The following NEUROD1 variants were observed in gnomAD, a reference collection of about 807,000 sequenced individuals.
NEUROD1 encodes neurogenic differentiation factor 1.
A neutral mutation model predicts 21.8 loss-of-function variants in NEUROD1; 9 were observed. The ratio of observed to expected loss-of-function variants is 0.41; its 90% CI spans 0.25 to 0.72. NEUROD1 has a LOEUF of 0.72. Ranked by LOEUF, NEUROD1 falls within the 30% of genes least tolerant of loss-of-function variation. The pLI, the probability that NEUROD1 is intolerant of heterozygous loss-of-function variation, is 0.31. For missense variants in NEUROD1, 434 were observed against 468.8 expected, an observed-to-expected ratio of 0.93 and a Z score of 0.69; for synonymous variants, 199 against 186.2, an observed-to-expected ratio of 1.07 and a Z score of -0.56.
chr2:181,674,164 C>T (rs991021871), downstream of NEUROD1, among the ~76,000 whole-genome samples: 1 of 152,154 alleles, frequency 6.6e-6, no homozygotes, highest in Admixed American at 6.5e-5. Flanking sequence ...CCTGATTTTA[C>T]ATACCAGCTT....
At chr2:181,680,120 T>C (rs563419302) in intron 1 of NEUROD1, among the ~76,000 whole-genome samples, 216 of 152,338 alleles carry the variant, frequency 1.4e-3, no homozygotes, top group South Asian at 7.3e-3. Context: ...TCATTATTGC[T>C]TTTGGGACTT....
chr2:181,678,107 C>A lies in NEUROD1; in HGVS notation c.754G>T (p.Ala252Ser). ...GGGCTTTCAAAGAAGGGCTCCAGCG[C>A]TGCGCTGTAGGCGTGCGGCGGAGGC... ...VKPPPHAYSA[A>S]LEPFFESPLT... Residue 252 changes from alanine to serine, a missense_variant, in exon 2 of 2, where the codon GCG (alanine) becomes TCG (serine). Transcript: ENST00000295108. The surrounding 1 kb of genome is among the most constrained non-coding windows in gnomAD (Gnocchi z 5.5). 6.2e-7 allele frequency: 1 copy of A among 1,614,180 alleles called. No homozygotes were observed. The highest frequency in any genetic ancestry group is 8.5e-7 in the Non-Finnish European group (1 of 1,180,040).
intron 1 of NEUROD1, among the ~76,000 whole-genome samples, chr2:181,679,166 G>A (rs1688654088): frequency 6.6e-6 from 1 of 151,916 alleles, no homozygotes. Context: ...TAACTTAAAT[G>A]TGTTTATGGT....
At chr2:181,680,340 C>A (rs891560739) in intron 1 of NEUROD1, 90 bp downstream of exon 1, 1 of 152,184 alleles carries the variant, frequency 6.6e-6, no homozygotes, top group Non-Finnish European at 1.5e-5. Context: ...TACACACTCT[C>A]GCAAACGCAC....
rs1379638344 is a variant in NEUROD1 at position 181,678,861 on chromosome 2, G to A, written c.-1C>T. On this transcript the variant is annotated 5_prime_UTR_variant, in exon 2 of 2. Coordinates refer to ENST00000295108, the MANE Select transcript of NEUROD1 (RefSeq NM_002500.5). This position sits in a 1 kb window ranked among gnomAD's most constrained non-coding sequence, Gnocchi z 5.5. ...CACTCTCGCTGTACGATTTGGTCATGTTTCGATTTCCTACATTCAACAAGG... is the reference window on the plus strand; with the variant it reads ...CACTCTCGCTGTACGATTTGGTCATATTTCGATTTCCTACATTCAACAAGG... The A allele has an allele frequency of 1.2e-6, 2 of 1,613,638 alleles. No individual in the cohort carries two copies. Among genetic ancestry groups the A allele is most frequent in the Non-Finnish European group, 8.5e-7 (1 of 1,180,038 alleles).
chr2:181,678,237 C>A lies in NEUROD1; in HGVS notation c.624G>T (p.Pro208=). Residue 208 remains proline, a synonymous_variant, in exon 2 of 2, where the codon CCG becomes CCT. Coordinates refer to ENST00000295108, the MANE Select transcript of NEUROD1 (RefSeq NM_002500.5). This position sits in a 1 kb window ranked among gnomAD's most constrained non-coding sequence, Gnocchi z 5.5. ...GTACAGGGAAGGAAGCGCTGGCCGT[C>A]GGCAGGTGGGGGGGCATGTCCTGGT... ...EQNQDMPPHL[P]TASASFPVHP... is the part of the protein sequence containing the mutation. 1.2e-6 allele frequency: 2 copies of A among 1,614,118 alleles called. No homozygotes were observed. The highest frequency in any genetic ancestry group is 2.2e-5 in the East Asian group (1 of 44,880).
Position 181,678,257 on chromosome 2 carries a change from C to G in NEUROD1, c.604G>C (p.Asp202His), listed in dbSNP as rs1349732855. Reference sequence around the variant, plus strand: ...GCCGTCGGCAGGTGGGGGGGCATGTCCTGGTTCTGCTCAGGCAGAAAAGTC... The same window carrying G: ...GCCGTCGGCAGGTGGGGGGGCATGTGCTGGTTCTGCTCAGGCAGAAAAGTC... The part of the protein sequence containing the change: ...PRTFLPEQNQ[D>H]MPPHLPTASA... Residue 202 changes from aspartate (D) to histidine (H), a missense_variant, in exon 2 of 2, where the codon GAC becomes CAC. By Grantham distance (81) the Asp-to-His change is moderately conservative (BLOSUM62 -1). Transcript: ENST00000295108. This position sits in a 1 kb window ranked among gnomAD's most constrained non-coding sequence, Gnocchi z 5.5. 1 of 1,613,978 alleles carries G rather than the reference C, an allele frequency of 6.2e-7. No individual in the cohort carries two copies. The highest frequency in any genetic ancestry group is 8.5e-7 in the Non-Finnish European group (1 of 1,180,020).
At chr2:181,672,601 G>A (rs527942135), downstream of NEUROD1, among the ~76,000 whole-genome samples, 2 of 152,284 alleles carry the variant, frequency 1.3e-5, no homozygotes, top group East Asian at 3.9e-4. Context: ...GAAAGAGGGA[G>A]GGGCAATACA....
chr2:181,680,030 G>A (rs1475836810), intron 1 of NEUROD1, among the ~76,000 whole-genome samples: 1 of 152,146 alleles, frequency 6.6e-6, no homozygotes, highest in East Asian at 1.9e-4. Flanking sequence ...CACTCCCAAT[G>A]TGCGTAAAAT....
At position 181,677,521 on chromosome 2, in the gene NEUROD1, C is replaced by T; in HGVS notation, c.*269G>A. 2.2e-6 allele frequency: 1 copy of T among 448,386 alleles called. No homozygotes were observed. Among genetic ancestry groups the T allele is most frequent in the South Asian group, 2.3e-5 (1 of 43,092 alleles). The allele number at this position is 448,386 out of a possible 1,614,324, so 27.8% of individuals were successfully genotyped here. ...AATTAATACGATCTGAATACAGCCA[C>T]ACCAAATTCGTGGTGTATTTTTTAA... On this transcript the variant is annotated 3_prime_UTR_variant, in exon 2 of 2. Transcript: ENST00000295108.
chr2:181,678,356 C>T lies in NEUROD1; in HGVS notation c.505G>A (p.Val169Ile). 2 of 1,614,166 alleles carry T rather than the reference C, an allele frequency of 1.2e-6. No individual in the cohort carries two copies. The highest frequency in any genetic ancestry group is 8.5e-7 in the Non-Finnish European group (1 of 1,180,026). ...GATAAGCCCTTGCAAAGCGTCTGAA[C>T]GAAGGAGACCAGGTCTGGGCTTTTG... ...SGKSPDLVSFVQTLCKGLSQP... is the reference protein window; with the variant it reads ...SGKSPDLVSFIQTLCKGLSQP... The change falls in exon 2 of 2, where the codon GTT becomes ATT. Residue 169 changes from valine (V) to isoleucine (I), a missense_variant. Transcript: ENST00000295108. The surrounding 1 kb of genome is among the most constrained non-coding windows in gnomAD (Gnocchi z 5.5).
downstream of NEUROD1, among the ~76,000 whole-genome samples, chr2:181,669,662 A>T (rs552502323): frequency 1.2e-4 from 19 of 152,320 alleles, no homozygotes; most frequent in Non-Finnish European, 1.0e-4. Flanking sequence ...ATAAAATTTT[A>T]TTCCTTACTG....
In NEUROD1 at chr2:181,677,804, T is replaced by C. The variant is rs1411177151; in HGVS notation, c.1057A>G (p.Ile353Val). ...ERVMSAQLNA[I>V]FHD is the part of the protein sequence containing the mutation. ...CTGGCGTGCCTCTAATCATGAAATA[T>C]GGCATTGAGCTGGGCACTCATGACT... The change falls in exon 2 of 2, where the codon ATA (isoleucine) becomes GTA (valine). Residue 353 changes from isoleucine (I) to valine (V), a missense_variant. Transcript: ENST00000295108. The C allele has an allele frequency of 1.2e-6, 2 of 1,614,154 alleles. No individual in the cohort carries two copies. Among genetic ancestry groups the C allele is most frequent in the Non-Finnish European group, 8.5e-7 (1 of 1,180,016 alleles).
At chr2:181,675,806 G>A (rs954522405), downstream of NEUROD1, among the ~76,000 whole-genome samples, 4 of 152,222 alleles carry the variant, frequency 2.6e-5, no homozygotes, top group Non-Finnish European at 4.4e-5. Context: ...GTGTTCTTCA[G>A]TACAAATAAT....
At chr2:181,673,058 TG>T (rs1484865791), downstream of NEUROD1, 1 of 152,220 alleles carries the variant, frequency 6.6e-6, no homozygotes, top group African/African-American at 2.4e-5. Context: ...CTAAATTAAC[TG>T]GGCAAATAAC....
downstream of NEUROD1, among the ~76,000 whole-genome samples, chr2:181,669,390 C>T (rs762613759): frequency 2.0e-5 from 3 of 152,144 alleles, no homozygotes; most frequent in South Asian, 2.1e-4. Context: ...CTCTGCTCCC[C>T]GTCTATCTTT....
chr2:181,678,756 C>T lies in NEUROD1; in HGVS notation c.105G>A (p.Glu35=), dbSNP rs1266597588. Residue 35 remains glutamate, a synonymous_variant, in exon 2 of 2, where the codon GAG becomes GAA. Transcript: ENST00000295108. The surrounding 1 kb of genome is among the most constrained non-coding windows in gnomAD (Gnocchi z 5.5). ...CGAGGTCGTCCTCCTTCTTGTCTGCCTCGTGCTCCTCGTCCTGAGAACTGA... is the reference window on the plus strand; with the variant it reads ...CGAGGTCGTCCTCCTTCTTGTCTGCTTCGTGCTCCTCGTCCTGAGAACTGA... The part of the protein sequence containing the change: ...ECLSSQDEEH[E]ADKKEDDLET... 6.2e-7 allele frequency: 1 copy of T among 1,612,924 alleles called. No homozygotes were observed. Among genetic ancestry groups the T allele is most frequent in the Non-Finnish European group, 8.5e-7 (1 of 1,179,336 alleles).
In NEUROD1 at chr2:181,677,063, T is replaced by G. The variant is rs1297851025; in HGVS notation, c.*727A>C. On this transcript the variant is annotated 3_prime_UTR_variant, in exon 2 of 2. Transcript: ENST00000295108. Reference sequence around the variant, plus strand: ...AAAATTATGATTCTGGTTTTTATTTTAGGGAGACGGAAAGACTTTAAAGTG... The same window carrying G: ...AAAATTATGATTCTGGTTTTTATTTGAGGGAGACGGAAAGACTTTAAAGTG... 1 of 150,230 alleles carries G rather than the reference T, an allele frequency of 6.7e-6. No individual in the cohort carries two copies. The highest frequency in any genetic ancestry group is 1.5e-5 in the Non-Finnish European group (1 of 67,432). 9.3% of individuals were successfully genotyped at this position (150,230 alleles called of 1,614,324 possible).
At chr2:181,679,609 C>A (rs1688661252) in intron 1 of NEUROD1, among the ~76,000 whole-genome samples, 1 of 152,198 alleles carries the variant, frequency 6.6e-6, no homozygotes. Flanking sequence ...GCTGGGGGCG[C>A]GGCGCAGAGC....
Sources: allele counts gnomAD v4.1 joint callset (sites outside exome capture counted in the v4.1 genomes callset), GRCh38; gene constraint gnomAD v4.1.1; non-coding constraint Gnocchi (gnomAD v3.1); transcripts MANE v1.5; gene names NCBI Gene and HGNC (gene_info 2026-07-23, HGNC 2026-07-21).